MACROD2: variants seen among roughly 807,000 people sequenced by gnomAD.
MACROD2 encodes the protein mono-ADP ribosylhydrolase 2, also known as ADP-ribose glycohydrolase MACROD2.
In MACROD2, 36 loss-of-function variants were observed where a neutral mutation model predicts 70.4. The ratio of observed to expected loss-of-function variants is 0.51; its 90% CI spans 0.39 to 0.68. The LOEUF is 0.68. MACROD2 is among the 30% of genes least tolerant of loss of function. MACROD2 has a pLI of 0.00. For missense variants in MACROD2, 496 were observed against 538.4 expected (o/e 0.92, Z 0.78); for synonymous variants, 172 against 178.8 (o/e 0.96, Z 0.30).
At chr20:14,129,705 AACCAATCTTTAGCAACCACT>A (rs1239508341) in intron 3 of MACROD2, among the ~76,000 whole-genome samples, 5 of 152,220 alleles carry the variant, frequency 3.3e-5, no homozygotes, top group African/African-American at 1.2e-4. Flanking sequence ...ACCACAGCAA[AACCAATCTTTAGCAACCACT>A]ACCTTGATCG....
At chr20:15,170,813 G>C (rs1008605575) in intron 5 of MACROD2, among the ~76,000 whole-genome samples, 27 of 152,194 alleles carry the variant, frequency 1.8e-4, no homozygotes, top group African/African-American at 6.5e-4. Context: ...AGCTTCCCCA[G>C]AGAAAAGCTG....
intron 6 of MACROD2, among the ~76,000 whole-genome samples, chr20:15,356,540 T>C (rs1349216145): frequency 1.3e-5 from 2 of 152,100 alleles, no homozygotes; most frequent in Non-Finnish European, 2.9e-5. Context: ...CCCAACACTT[T>C]GGGAGGCTGA....
At chr20:15,719,504 G>T (rs1180801217) in intron 8 of MACROD2, among the ~76,000 whole-genome samples, 1 of 152,134 alleles carries the variant, frequency 6.6e-6, no homozygotes, top group African/African-American at 2.4e-5. Flanking sequence ...TCCTCCAAAA[G>T]CTTGTTTTGA....
chr20:15,986,845 CTG>C (rs749501538), intron 14 of MACROD2, 44 bp downstream of exon 14: 3 of 1,469,682 alleles, frequency 2.0e-6, no homozygotes, highest in African/African-American at 2.8e-5. Flanking sequence ...TGAGATGAAA[CTG>C]TGAATCATGA....
At chr20:14,707,657 G>C (rs1210453384) in intron 5 of MACROD2, among the ~76,000 whole-genome samples, 1 of 152,092 alleles carries the variant, frequency 6.6e-6, no homozygotes, top group Non-Finnish European at 1.5e-5. Flanking sequence ...GACTCAGCAA[G>C]ATCATTTTTA....
intron 5 of MACROD2, among the ~76,000 whole-genome samples, chr20:15,040,056 G>A (rs1270485859): frequency 6.6e-6 from 1 of 152,088 alleles, no homozygotes; most frequent in Non-Finnish European, 1.5e-5. Context: ...CATATATGAG[G>A]GGAAAAGCAG....
intron 6 of MACROD2, among the ~76,000 whole-genome samples, chr20:15,297,448 G>C (rs1329632461): frequency 6.6e-6 from 1 of 152,142 alleles, no homozygotes; most frequent in Non-Finnish European, 1.5e-5. Flanking sequence ...AAAATCAATA[G>C]AGAATTTACT....
At chr20:14,479,188 G>T (rs1389755858) in intron 3 of MACROD2, among the ~76,000 whole-genome samples, 1 of 152,188 alleles carries the variant, frequency 6.6e-6, no homozygotes, top group South Asian at 2.1e-4. Context: ...TCCTGGGCTG[G>T]GTGCTTGTGG....
chr20:16,045,384 A>G lies in MACROD2; in HGVS notation c.1300+745A>G, dbSNP rs2147620862. Among the ~76,000 whole-genome samples, 3 of 152,312 alleles carry G rather than the reference A, an allele frequency of 2.0e-5. No homozygotes were observed. The South Asian group carries it at 6.2e-4, about 32-fold the overall frequency. On this transcript the variant is annotated intron_variant, in intron 17 of 17. Coordinates refer to ENST00000684519, the MANE Select transcript of MACROD2 (RefSeq NM_001351661.2). ...AGTACTGCTTGCTTCATGGCAGCCA[A>G]TACATCAAGAGACAACGTGTTGAGG...
At chr20:15,200,563 G>A (rs1006938696) in intron 5 of MACROD2, among the ~76,000 whole-genome samples, 4 of 152,146 alleles carry the variant, frequency 2.6e-5, no homozygotes, top group African/African-American at 9.7e-5. Flanking sequence ...TATTAACTAC[G>A]TAAGGGGATC....
intron 5 of MACROD2, among the ~76,000 whole-genome samples, chr20:15,015,568 C>CA (rs949740277): frequency 1.3e-5 from 2 of 151,746 alleles, no homozygotes; most frequent in Admixed American, 6.6e-5. Flanking sequence ...ATGTTCCATA[C>CA]ACTCTAATTG....
At position 15,954,670 on chromosome 20, in the gene MACROD2, T is replaced by A. The variant is rs16996864; in HGVS notation, c.908-12883T>A. Reference sequence around the variant, plus strand: ...GATATTTATTGGGTCTTAACTTTTTTAAGACATTATGCAATATTAAAAAGA... The same window carrying A: ...GATATTTATTGGGTCTTAACTTTTTAAAGACATTATGCAATATTAAAAAGA... On this transcript the variant is annotated intron_variant, in intron 12 of 17. Transcript: ENST00000684519. Among the ~76,000 whole-genome samples the A allele has an allele frequency of 2.2e-3, 332 of 152,294 alleles. 1 individual carries two copies. The South Asian group carries it at 0.023, about 10-fold the overall frequency.
intron 4 of MACROD2, chr20:14,523,331 C>G (rs1404061605): frequency 6.6e-6 from 1 of 152,280 alleles, no homozygotes; most frequent in Admixed American, 6.5e-5. Flanking sequence ...TGAGATTCCT[C>G]TCTGGAATGT....
At chr20:14,153,909 T>C (rs1284915960) in intron 3 of MACROD2, among the ~76,000 whole-genome samples, 1 of 152,234 alleles carries the variant, frequency 6.6e-6, no homozygotes. Context: ...CATTTATTTT[T>C]CCTGCTGACT....
At chr20:15,920,332 G>T (rs185681196) in intron 10 of MACROD2, among the ~76,000 whole-genome samples, 1 of 152,138 alleles carries the variant, frequency 6.6e-6, no homozygotes, top group Admixed American at 6.5e-5. Flanking sequence ...GGAAGCAACT[G>T]TCTCAGACCA....
chr20:15,235,889 A>G (rs748115581), intron 6 of MACROD2, among the ~76,000 whole-genome samples: 1 of 152,096 alleles, frequency 6.6e-6, no homozygotes, highest in Non-Finnish European at 1.5e-5. Context: ...TGTCAATTTG[A>G]TCTTTTCCAG....
intron 2 of MACROD2, among the ~76,000 whole-genome samples, chr20:14,078,210 AC>A (rs2053941219): frequency 6.6e-6 from 1 of 151,806 alleles, no homozygotes; most frequent in Non-Finnish European, 1.5e-5. Context: ...CCGCCTCTTT[AC>A]CTTTTAAGTA....
chr20:14,878,028 G>C (rs2073569400), intron 5 of MACROD2, among the ~76,000 whole-genome samples: 1 of 151,982 alleles, frequency 6.6e-6, no homozygotes. Flanking sequence ...CAAGTTTTTA[G>C]AATAGTTACA....
intron 5 of MACROD2, among the ~76,000 whole-genome samples, chr20:15,147,693 T>G (rs930685601): frequency 7.2e-5 from 11 of 152,192 alleles, no homozygotes; most frequent in African/African-American, 2.7e-4. Flanking sequence ...GGGTCCACAC[T>G]TTCATGTGCG....
Sources: gnomAD v4.1 joint callset for allele counts (sites outside exome capture counted in the v4.1 genomes callset) on GRCh38, gnomAD v4.1.1 for gene constraint, MANE v1.5 for transcripts, NCBI Gene and HGNC (gene_info 2026-07-23, HGNC 2026-07-21) for gene names.